Variants in PUDP observed in about 807,000 individuals in gnomAD.
The protein encoded by PUDP is pseudouridine-5'-phosphatase.
In PUDP, 8 loss-of-function variants were observed where a neutral mutation model predicts 9.4. That is an observed-to-expected ratio of 0.85 (90% confidence interval 0.50 to 1.53). The LOEUF is 1.53. Ranked by LOEUF, PUDP falls within the 40% of genes most tolerant of loss-of-function variation. PUDP has a pLI of 0.00. For synonymous variants in PUDP, 99 were observed against 80.7 expected, an observed-to-expected ratio of 1.23 and a Z score of -1.22; for missense variants, 188 against 189.7, an observed-to-expected ratio of 0.99 and a Z score of 0.05.
chrX:7,050,181 G>T lies in PUDP; in HGVS notation c.*115C>A. ...CATGGGATGGAAACTCCAATCTCAG[G>T]AGGCTAAAATCACAGCGCAGGTTGG... On this transcript the variant is annotated 3_prime_UTR_variant, in exon 4 of 4. Transcript: ENST00000381077. 1.4e-6 allele frequency: 1 copy of T among 693,554 alleles called. No homozygotes were observed. Among genetic ancestry groups the T allele is most frequent in the Non-Finnish European group, 2.1e-6 (1 of 481,338 alleles). 57.2% of individuals were successfully genotyped at this position (693,554 alleles called of 1,213,427 possible). A position where few individuals can be genotyped will look rare whatever the true frequency, so the allele number is the denominator to read the frequency against.
At chrX:7,083,919 GA>G (rs1199357921) in intron 2 of PUDP, among the ~76,000 whole-genome samples, 10 of 108,125 alleles carry the variant, frequency 9.2e-5, no homozygotes, top group African/African-American at 2.7e-4. Context: ...AAAAAAGAAG[GA>G]AAAAAAAAGA....
At chrX:6,841,766 CTTTG>C (rs1242577166) in intron 3 of PUDP, among the ~76,000 whole-genome samples, 1 of 111,711 alleles carries the variant, frequency 9.0e-6, no homozygotes, top group East Asian at 2.8e-4. Flanking sequence ...AAATTTCTTT[CTTTG>C]TTTTTTTCTT....
At chrX:7,026,259 A>G (rs1483083756) in intron 1 of PUDP, among the ~76,000 whole-genome samples, 1 of 111,810 alleles carries the variant, frequency 8.9e-6, no homozygotes, top group Admixed American at 9.5e-5. Context: ...CCTTACCTAC[A>G]GGGAATAGTG....
At chrX:6,707,520 T>C (rs1233244764) in intron 1 of PUDP, among the ~76,000 whole-genome samples, 1 of 111,187 alleles carries the variant, frequency 9.0e-6, no homozygotes, top group Non-Finnish European at 1.9e-5. Context: ...CTGGGGGTGA[T>C]GGGAGAAAGT....
chrX:7,002,117 A>G (rs1410956619), intron 1 of PUDP, among the ~76,000 whole-genome samples: 1 of 111,619 alleles, frequency 9.0e-6, no homozygotes, highest in African/African-American at 3.3e-5. Context: ...TATAAAAAAG[A>G]TAAACCACCC....
intron 3 of PUDP, among the ~76,000 whole-genome samples, chrX:6,857,444 T>C (rs981308349): frequency 7.1e-5 from 8 of 112,496 alleles, no homozygotes; most frequent in Non-Finnish European, 1.3e-4. Flanking sequence ...AAAATTATTA[T>C]GATGATTTTG....
chrX:7,132,879 C>T (rs745817590), intron 1 of PUDP, among the ~76,000 whole-genome samples: 1 of 112,039 alleles, frequency 8.9e-6, no homozygotes, highest in Non-Finnish European at 1.9e-5. Flanking sequence ...ACAGCCACCA[C>T]TGATCTCACT....
At chrX:6,849,006 G>A (rs925045063) in intron 3 of PUDP, among the ~76,000 whole-genome samples, 3 of 112,107 alleles carry the variant, frequency 2.7e-5, no homozygotes, top group African/African-American at 9.7e-5. Flanking sequence ...AGATCCCTTC[G>A]CCAGATCAAG....
chrX:6,866,536 G>A (rs1205108564), intron 3 of PUDP, among the ~76,000 whole-genome samples: 1 of 111,292 alleles, frequency 9.0e-6, no homozygotes, highest in African/African-American at 3.3e-5. Context: ...GTGAGCGCAT[G>A]TTGGCCTGCC....
At chrX:6,824,109 C>G (rs1926388286) in intron 3 of PUDP, among the ~76,000 whole-genome samples, 1 of 111,533 alleles carries the variant, frequency 9.0e-6, no homozygotes, top group African/African-American at 3.3e-5. Context: ...GGGAGGGACC[C>G]ATTTGGAGGT....
At chrX:7,030,625 G>A (rs1199203081) in intron 1 of PUDP, among the ~76,000 whole-genome samples, 1 of 111,342 alleles carries the variant, frequency 9.0e-6, no homozygotes, top group Admixed American at 9.5e-5. Context: ...GAACAGTTCT[G>A]GCTCTGGCAC....
intron 1 of PUDP, among the ~76,000 whole-genome samples, chrX:6,720,149 T>C (rs1488389036): frequency 2.9e-5 from 3 of 102,637 alleles, no homozygotes; most frequent in East Asian, 3.0e-4. Flanking sequence ...TGTATATATA[T>C]GTGTGTATAT....
intron 1 of PUDP, among the ~76,000 whole-genome samples, chrX:6,719,385 G>C (rs1052691561): frequency 8.9e-6 from 1 of 111,819 alleles, no homozygotes; most frequent in South Asian, 3.8e-4. Context: ...GTCACATTGC[G>C]GGGTAGGGCT....
At chrX:6,974,635 C>A (rs894509284) in intron 3 of PUDP, among the ~76,000 whole-genome samples, 2 of 111,795 alleles carry the variant, frequency 1.8e-5, no homozygotes, top group Non-Finnish European at 3.8e-5. Flanking sequence ...TCTCTGGCTG[C>A]CCTTAACATT....
At chrX:6,765,244 C>T (rs1925270681) in intron 3 of PUDP, among the ~76,000 whole-genome samples, 1 of 111,585 alleles carries the variant, frequency 9.0e-6, no homozygotes, top group Admixed American at 9.5e-5. Flanking sequence ...CACGCCACTA[C>T]CCTCCAGCCT....
rs192643168 is a variant in PUDP at position 7,067,228 on chromosome X, T to C, written c.510+9992A>G. 2.2e-3 allele frequency among the ~76,000 whole-genome samples: 244 copies of C among 112,309 alleles called. 1 individual carries two copies. The highest frequency in any genetic ancestry group is 3.5e-3 in the Admixed American group (37 of 10,630). ...GCAGAAGGGCCTCATGCCTCTAATT[T>C]GTGTTTTCCCAGAGACCCTCATGCC... On this transcript the variant is annotated intron_variant, in intron 3 of 3. Transcript: ENST00000381077.
At chrX:7,089,305 G>A (rs779338581) in intron 2 of PUDP, among the ~76,000 whole-genome samples, 14 of 111,945 alleles carry the variant, frequency 1.3e-4, no homozygotes, top group African/African-American at 4.5e-4. Flanking sequence ...AGTTCTCCAG[G>A]ATCTTTTTTG....
chrX:6,809,432 A>C (rs971209446), intron 3 of PUDP, among the ~76,000 whole-genome samples: 5 of 109,001 alleles, frequency 4.6e-5, no homozygotes, highest in African/African-American at 1.7e-4. Context: ...AGTAGCTGGG[A>C]CTACAGGCAC....
At chrX:6,924,835 T>C (rs1162945219) in intron 3 of PUDP, among the ~76,000 whole-genome samples, 1 of 112,652 alleles carries the variant, frequency 8.9e-6, no homozygotes, top group African/African-American at 3.2e-5. Flanking sequence ...TGCCTGAATA[T>C]CCTTGTTGTT....
Sources: gnomAD v4.1 joint callset for allele counts (sites outside exome capture counted in the v4.1 genomes callset) on GRCh38, gnomAD v4.1.1 for gene constraint, MANE v1.5 for transcripts, NCBI Gene and HGNC (gene_info 2026-07-23, HGNC 2026-07-21) for gene names.